The following SLC2A13 variants were observed in gnomAD, a reference collection of about 807,000 sequenced individuals.
SLC2A13 encodes the protein solute carrier family 2 member 13.
Under a neutral mutation model 64.4 loss-of-function variants are expected in SLC2A13, and 32 were observed. The ratio of observed to expected loss-of-function variants is 0.50; its 90% CI spans 0.37 to 0.67. The LOEUF is 0.67. Ranked by LOEUF, SLC2A13 falls within the 30% of genes least tolerant of loss-of-function variation. The pLI is 0.00. For synonymous variants in SLC2A13, 338 were observed against 327.1 expected (o/e 1.03, Z -0.36); for missense variants, 743 against 829.2 (o/e 0.90, Z 1.28).
At chr12:39,849,728 T>TGTGTA (rs1412123854) in intron 6 of SLC2A13, among the ~76,000 whole-genome samples, 20 of 152,212 alleles carry the variant, frequency 1.3e-4, no homozygotes, top group African/African-American at 4.3e-4. Flanking sequence ...GTTTCATTTA[T>TGTGTA]GTGTAGATTT....
intron 1 of SLC2A13, among the ~76,000 whole-genome samples, chr12:40,062,232 T>C (rs940261413): frequency 6.6e-6 from 1 of 152,128 alleles, no homozygotes; most frequent in Non-Finnish European, 1.5e-5. Flanking sequence ...ATAGGTGGTC[T>C]TGTGAGGCTA....
intron 4 of SLC2A13, among the ~76,000 whole-genome samples, chr12:39,943,829 G>T (rs1371926189): frequency 6.6e-6 from 1 of 152,186 alleles, no homozygotes; most frequent in Non-Finnish European, 1.5e-5. Flanking sequence ...CAGACCAGGA[G>T]ATTCCCTTGG....
rs1174701447 is a variant in SLC2A13, at chr12:39,971,983, G to GAAAAAAA, written c.926-20625_926-20619dup. ...AGGGGATGGAGCAAGAGTGTCTCCA[G>GAAAAAAA]AAAAAAAAAAAAAAATATATATATA... is the stretch of plus-strand genomic sequence containing the variant. On this transcript the variant is annotated intron_variant, in intron 3 of 9. Transcript: ENST00000280871. 2.5e-3 allele frequency among the ~76,000 whole-genome samples: 242 copies of GAAAAAAA among 95,762 alleles called. 5 individuals are homozygous for GAAAAAAA. The highest frequency in any genetic ancestry group is 6.2e-3 in the East Asian group (23 of 3,714). The allele number at this position is 95,762 out of a possible 152,430, so 62.8% of individuals were successfully genotyped here.
At chr12:39,947,249 T>A (rs1946151454) in intron 4 of SLC2A13, among the ~76,000 whole-genome samples, 1 of 152,182 alleles carries the variant, frequency 6.6e-6, no homozygotes, top group African/African-American at 2.4e-5. Flanking sequence ...CGAAGCAAAC[T>A]CAAAAGCTTA....
At chr12:39,810,604 G>A (rs937077656) in intron 7 of SLC2A13, among the ~76,000 whole-genome samples, 1 of 152,138 alleles carries the variant, frequency 6.6e-6, no homozygotes, top group African/African-American at 2.4e-5. Flanking sequence ...AATGTAAGCT[G>A]TAGGTTTTTA....
chr12:39,934,711 T>A (rs1336114049), intron 4 of SLC2A13, among the ~76,000 whole-genome samples: 1 of 152,230 alleles, frequency 6.6e-6, no homozygotes, highest in African/African-American at 2.4e-5. Context: ...ATTTCACAGT[T>A]AAATCTACTT....
intron 3 of SLC2A13, among the ~76,000 whole-genome samples, chr12:39,995,136 C>T (rs1565581369): frequency 6.6e-6 from 1 of 152,062 alleles, no homozygotes; most frequent in Admixed American, 6.6e-5. Flanking sequence ...GTGCAGGTCT[C>T]TTTTTTAAAA....
chr12:39,766,882 G>T (rs563759935), intron 7 of SLC2A13, among the ~76,000 whole-genome samples: 8 of 152,094 alleles, frequency 5.3e-5, no homozygotes, highest in African/African-American at 1.9e-4. Flanking sequence ...TAGTTCTCTT[G>T]CTGTTTTCCA....
intron 3 of SLC2A13, among the ~76,000 whole-genome samples, chr12:39,974,527 C>T (rs773639973): frequency 2.6e-5 from 4 of 152,178 alleles, no homozygotes; most frequent in Non-Finnish European, 5.9e-5. Flanking sequence ...CTGATATTTA[C>T]AGGTACATGA....
intron 4 of SLC2A13, among the ~76,000 whole-genome samples, chr12:39,884,167 C>T (rs1944414122): frequency 6.6e-6 from 1 of 152,128 alleles, no homozygotes; most frequent in Admixed American, 6.5e-5. Context: ...TGGGGTCTCA[C>T]TATGTTGCTC....
rs184763680 is a variant in SLC2A13 at position 39,774,921 on chromosome 12, G to T, written c.1446-10063C>A. Reference sequence around the variant, plus strand: ...CAATGATAACATTTAAAGGTGATGAGACTATAGCAATAGTGGTACAGTCTC... The same window carrying T: ...CAATGATAACATTTAAAGGTGATGATACTATAGCAATAGTGGTACAGTCTC... On this transcript the variant is annotated intron_variant, in intron 7 of 9. Transcript: ENST00000280871. Among the ~76,000 whole-genome samples, 251 of 152,254 alleles carry T rather than the reference G, an allele frequency of 1.6e-3. 1 individual carries two copies. Among genetic ancestry groups the T allele is most frequent in the African/African-American group, 5.9e-3 (245 of 41,556 alleles).
At chr12:39,941,545 G>A (rs1441035410) in intron 4 of SLC2A13, among the ~76,000 whole-genome samples, 2 of 152,030 alleles carry the variant, frequency 1.3e-5, no homozygotes, top group Non-Finnish European at 2.9e-5. Context: ...ATTTTTTCAT[G>A]TTTGTTGGCC....
intron 7 of SLC2A13, among the ~76,000 whole-genome samples, chr12:39,784,620 C>A (rs1941118182): frequency 1.3e-5 from 2 of 152,120 alleles, no homozygotes; most frequent in South Asian, 4.1e-4. Flanking sequence ...ACCATAAAAA[C>A]CCTAGAAGAA....
chr12:39,968,806 A>ATATATC (rs1565567393), intron 3 of SLC2A13, among the ~76,000 whole-genome samples: 3 of 105,550 alleles, frequency 2.8e-5, no homozygotes, highest in Non-Finnish European at 5.8e-5. Flanking sequence ...ATATATATAT[A>ATATATC]TCTACATTAT....
chr12:39,981,041 C>G (rs2136148421), intron 3 of SLC2A13, among the ~76,000 whole-genome samples: 1 of 152,068 alleles, frequency 6.6e-6, no homozygotes, highest in African/African-American at 2.4e-5. Context: ...CGCTCAACTA[C>G]ATGGAAACTG....
intron 4 of SLC2A13, among the ~76,000 whole-genome samples, chr12:39,902,730 C>A (rs1216393978): frequency 6.6e-6 from 1 of 151,646 alleles, no homozygotes; most frequent in Non-Finnish European, 1.5e-5. Context: ...CCTTTAGACA[C>A]TAAGATTAAA....
intron 7 of SLC2A13, among the ~76,000 whole-genome samples, chr12:39,788,122 G>A (rs1941254860): frequency 6.6e-6 from 1 of 151,998 alleles, no homozygotes; most frequent in Admixed American, 6.6e-5. Flanking sequence ...ATGTACTGTT[G>A]TTCACCTTTA....
intron 7 of SLC2A13, among the ~76,000 whole-genome samples, chr12:39,817,615 T>TC (rs1461150423): frequency 6.6e-6 from 1 of 152,164 alleles, no homozygotes; most frequent in African/African-American, 2.4e-5. Context: ...TCATCTATAT[T>TC]CACGAAAAAG....
chr12:40,105,647 C>G lies in SLC2A13; in HGVS notation c.162G>C (p.Ala54=). ...CCCCGACGCCGCCGCCGCCCGCGCC[C>G]GCGCTCTGCAGGCTGGTGCTCGATT... is the stretch of plus-strand genomic sequence containing the variant. ...AAESSTSLQS[A]GAGGGGVGDL... is the part of the protein sequence containing the mutation. The change falls in exon 1 of 10, where the codon GCG becomes GCC. Residue 54 remains alanine (A), a synonymous_variant. Coordinates refer to ENST00000280871, the MANE Select transcript of SLC2A13 (RefSeq NM_052885.4). The surrounding 1 kb of genome is among the most constrained non-coding windows in gnomAD (Gnocchi z 4.2). 2 of 1,490,412 alleles carry G rather than the reference C, an allele frequency of 1.3e-6. No homozygotes were observed. The highest frequency in any genetic ancestry group is 1.8e-6 in the Non-Finnish European group (2 of 1,123,532). 92.3% of individuals were successfully genotyped at this position (1,490,412 alleles called of 1,614,324 possible).
Sources: gnomAD v4.1 joint callset for allele counts (sites outside exome capture counted in the v4.1 genomes callset) on GRCh38, gnomAD v4.1.1 for gene constraint, Gnocchi (gnomAD v3.1) non-coding constraint, MANE v1.5 for transcripts, NCBI Gene and HGNC (gene_info 2026-07-23, HGNC 2026-07-21) for gene names.